Variants in ZNF337 observed in about 807,000 individuals in gnomAD.
ZNF337 encodes the protein zinc finger protein 337.
Under a neutral mutation model 12.1 loss-of-function variants are expected in ZNF337, and 8 were observed. The ratio of observed to expected loss-of-function variants is 0.66; its 90% confidence interval spans 0.39 to 1.19. The LOEUF is 1.19. Among genes scored for constraint, ZNF337 ranks in the 50% most tolerant of loss-of-function variants. The probability of loss-of-function intolerance (pLI) is 0.01; values close to 1 mark genes in which losing one functional copy is unlikely to be tolerated. For missense variants in ZNF337, 882 were observed against 896.6 expected (o/e 0.98, Z 0.21); for synonymous variants, 336 against 320.0 (o/e 1.05, Z -0.53).
chr20:25,695,186 G>A (rs1178331386), intron 1 of ZNF337, among the ~76,000 whole-genome samples: 1 of 152,302 alleles, frequency 6.6e-6, no homozygotes, highest in Non-Finnish European at 1.5e-5. Flanking sequence ...CAGGAGAACT[G>A]CTCAAACCTG....
chr20:25,675,774 T>G lies in ZNF337; in HGVS notation c.1514A>C (p.Lys505Thr), dbSNP rs762768503. 7 of 1,613,624 alleles carry G rather than the reference T, an allele frequency of 4.3e-6. No individual in the cohort carries two copies. In the Admixed American group the frequency reaches 1.2e-4, roughly 27 times the overall value. Residue 505 changes from lysine (K) to threonine (T), a missense_variant, in exon 5 of 5, where the codon AAG becomes ACG. Lys to Thr is a moderately conservative substitution (Grantham distance 78, BLOSUM62 -1). Coordinates refer to ENST00000252979, the MANE Select transcript of ZNF337 (RefSeq NM_015655.4). ...CTCACCCAAGTGTGCCCTCAGGTGC[T>G]TGTTATAGGAGGACTTATCCCGAAA... ...RRFRDKSSYN[K>T]HLRAHLGEKR... is the part of the protein sequence containing the mutation.
At chr20:25,685,091 G>A (rs1175023695) in intron 4 of ZNF337, among the ~76,000 whole-genome samples, 2 of 149,590 alleles carry the variant, frequency 1.3e-5, no homozygotes, top group Non-Finnish European at 2.9e-5. Context: ...AAACCTGCAT[G>A]TTGTGCACAT....
intron 1 of ZNF337, among the ~76,000 whole-genome samples, chr20:25,693,374 G>T (rs924555453): frequency 9.2e-5 from 14 of 152,176 alleles, no homozygotes; most frequent in Admixed American, 7.2e-4. Context: ...ACCACGCCAA[G>T]CCGTAAAAAT....
intron 1 of ZNF337, among the ~76,000 whole-genome samples, chr20:25,693,762 C>G (rs1457798870): frequency 6.6e-6 from 1 of 152,190 alleles, no homozygotes; most frequent in Non-Finnish European, 1.5e-5. Context: ...GCAGAGAAGG[C>G]ACTGCAGGAA....
Position 25,676,857 on chromosome 20 carries a change from C to T in ZNF337, c.431G>A (p.Arg144Lys), listed in dbSNP as rs781312638. Residue 144 changes from arginine to lysine, a missense_variant, in exon 5 of 5, where the codon AGG (arginine) becomes AAG (lysine). Coordinates refer to ENST00000252979, the MANE Select transcript of ZNF337 (RefSeq NM_015655.4). ...SPPLRHAVSS[R>K]RRNSVVEIES... ...TATTTCCACTACACTGTTCCTCCTC[C>T]TTGAGCTTACTGCATGTCTTAGGGG... 3.1e-6 allele frequency: 5 copies of T among 1,614,136 alleles called. No homozygotes were observed. Among genetic ancestry groups the T allele is most frequent in the Non-Finnish European group, 3.4e-6 (4 of 1,180,028 alleles).
chr20:25,678,441 A>G (rs905799584), intron 4 of ZNF337, among the ~76,000 whole-genome samples: 1 of 152,206 alleles, frequency 6.6e-6, no homozygotes, highest in Non-Finnish European at 1.5e-5. Flanking sequence ...CATACTGCCC[A>G]AAGCAATCTA....
intron 4 of ZNF337, among the ~76,000 whole-genome samples, chr20:25,680,211 A>G (rs1019221779): frequency 6.6e-6 from 1 of 152,194 alleles, no homozygotes; most frequent in Non-Finnish European, 1.5e-5. Context: ...TAAGTGTTTG[A>G]TAGCACAGTA....
At chr20:25,692,111 C>G (rs773374958) in intron 1 of ZNF337, among the ~76,000 whole-genome samples, 28 of 152,150 alleles carry the variant, frequency 1.8e-4, no homozygotes, top group Non-Finnish European at 3.2e-4. Flanking sequence ...GGGAAACTTC[C>G]TTTACCTAGA....
chr20:25,692,101 G>A lies in ZNF337; in HGVS notation c.-50+4658C>T, dbSNP rs1221185231. ...AGCAAATGGGAAGTTTGCCAAGGTA[G>A]GGAAACTTCCTTTACCTAGATCACA... On this transcript the variant is annotated intron_variant, in intron 1 of 4. Coordinates refer to ENST00000252979, the MANE Select transcript of ZNF337 (RefSeq NM_015655.4). Among the ~76,000 whole-genome samples the A allele has an allele frequency of 2.6e-5, 4 of 152,186 alleles. No homozygotes were observed. In the South Asian group the frequency reaches 8.3e-4, roughly 32 times the overall value.
intron 4 of ZNF337, among the ~76,000 whole-genome samples, chr20:25,685,209 A>C (rs79642456): frequency 1.3e-5 from 2 of 150,000 alleles, no homozygotes; most frequent in Non-Finnish European, 2.9e-5. Flanking sequence ...AAATAATTAA[A>C]AAACAAAACA....
In ZNF337 at chr20:25,673,608, C is replaced by T. The variant is rs2065640788; in HGVS notation, c.*1424G>A. ...AAGGGTCTGACCTCTACAAAATAGACATGCATTGGCTGAGCATTCCAACAT... is the reference window on the plus strand; with the variant it reads ...AAGGGTCTGACCTCTACAAAATAGATATGCATTGGCTGAGCATTCCAACAT... On this transcript the variant is annotated 3_prime_UTR_variant, in exon 5 of 5. Coordinates refer to ENST00000252979, the MANE Select transcript of ZNF337 (RefSeq NM_015655.4). 6.6e-6 allele frequency among the ~76,000 whole-genome samples: 1 copy of T among 152,194 alleles called. No homozygotes were observed. Among genetic ancestry groups the T allele is most frequent in the Admixed American group, 6.5e-5 (1 of 15,282 alleles).
chr20:25,688,947 C>T (rs537056538), intron 1 of ZNF337, among the ~76,000 whole-genome samples: 1 of 152,054 alleles, frequency 6.6e-6, no homozygotes, highest in African/African-American at 2.4e-5. Flanking sequence ...TGGCTAACAC[C>T]GTGAAACCCG....
rs1403544201 is a variant in ZNF337, at chr20:25,674,758, CAAGAAT to C, written c.*268_*273del. ...AAAGCACAGCCTGGCACAAATACAA[CAAGAAT>C]ATGTGCTCAGTAGGAAAGAGACCAC... is the stretch of plus-strand genomic sequence containing the variant. On this transcript the variant is annotated 3_prime_UTR_variant, in exon 5 of 5. Transcript: ENST00000252979. 2.1e-6 allele frequency: 1 copy of C among 470,120 alleles called. No individual in the cohort carries two copies. The highest frequency in any genetic ancestry group is 1.9e-5 in the African/African-American group (1 of 51,452). The allele number at this position is 470,120 out of a possible 1,614,324, so 29.1% of individuals were successfully genotyped here. A position where few individuals can be genotyped will look rare whatever the true frequency, so the allele number is the denominator to read the frequency against.
chr20:25,691,220 A>G (rs953769167), intron 1 of ZNF337, among the ~76,000 whole-genome samples: 10 of 152,232 alleles, frequency 6.6e-5, no homozygotes, highest in Non-Finnish European at 1.5e-4. Context: ...AGCAGGCAGA[A>G]GAAATAATCA....
At chr20:25,692,315 G>A (rs1007175215) in intron 1 of ZNF337, among the ~76,000 whole-genome samples, 2 of 152,278 alleles carry the variant, frequency 1.3e-5, no homozygotes, top group African/African-American at 4.8e-5. Flanking sequence ...TGTTGAGTAT[G>A]ATTCTGGTAC....
chr20:25,686,363 C>A, intron 2 of ZNF337, 28 bp downstream of exon 2: 1 of 1,605,028 alleles, frequency 6.2e-7, no homozygotes. Flanking sequence ...CCTGTGACAG[C>A]AAGAACGACA....
At chr20:25,691,911 T>C (rs890055483) in intron 1 of ZNF337, among the ~76,000 whole-genome samples, 2 of 152,194 alleles carry the variant, frequency 1.3e-5, no homozygotes, top group African/African-American at 4.8e-5. Context: ...TTTCTGATTA[T>C]AGTTGGGACC....
chr20:25,686,818 G>C (rs961682615), intron 1 of ZNF337: 2 of 218,822 alleles, frequency 9.1e-6, no homozygotes, highest in Non-Finnish European at 1.8e-5. Flanking sequence ...GCCTCTTCTA[G>C]CCTCTGTCTC....
chr20:25,685,809 C>G, intron 3 of ZNF337, 147 bp from the exon 4 acceptor site: 1 of 1,175,646 alleles, frequency 8.5e-7, no homozygotes, highest in Non-Finnish European at 1.2e-6. Context: ...AGTACAAACC[C>G]CCAGGGGGAG....
Sources: allele counts gnomAD v4.1 joint callset (sites outside exome capture counted in the v4.1 genomes callset), GRCh38; gene constraint gnomAD v4.1.1; transcripts MANE v1.5; gene names NCBI Gene and HGNC (gene_info 2026-07-23, HGNC 2026-07-21).